The following PUM2 variants were observed in gnomAD, a reference collection of about 807,000 sequenced individuals.
PUM2 encodes the protein pumilio homolog 2.
Under a neutral mutation model 124.5 loss-of-function variants are expected in PUM2, and 57 were observed. The observed-to-expected ratio is 0.46, with a 90% CI of 0.37 to 0.57. PUM2 has a LOEUF of 0.57. Ranked by LOEUF, PUM2 falls within the 20% of genes least tolerant of loss-of-function variation. The probability of loss-of-function intolerance (pLI) is 0.00; values close to 1 mark genes in which losing one functional copy is unlikely to be tolerated. For synonymous variants in PUM2, 460 were observed against 446.1 expected, an observed-to-expected ratio of 1.03 and a Z score of -0.39; for missense variants, 1,065 against 1,290.6, an observed-to-expected ratio of 0.83 and a Z score of 2.68.
intron 2 of PUM2, among the ~76,000 whole-genome samples, chr2:20,321,512 C>T (rs150662565): frequency 9.2e-5 from 14 of 152,150 alleles, no homozygotes; most frequent in Middle Eastern, 3.4e-3. Flanking sequence ...AAACTATTTG[C>T]TCTGACAGTT....
intron 13 of PUM2, among the ~76,000 whole-genome samples, chr2:20,276,071 A>G (rs533640276): frequency 6.6e-6 from 1 of 152,156 alleles, no homozygotes; most frequent in East Asian, 1.9e-4. Flanking sequence ...TTTTTCATGC[A>G]TCTAACTTTA....
chr2:20,345,996 A>C (rs1173490439), intron 1 of PUM2, among the ~76,000 whole-genome samples: 1 of 152,226 alleles, frequency 6.6e-6, no homozygotes, highest in Non-Finnish European at 1.5e-5. Context: ...AAGAACTGGC[A>C]AACAATTTAC....
At chr2:20,297,340 C>T (rs906621770) in intron 8 of PUM2, among the ~76,000 whole-genome samples, 9 of 152,150 alleles carry the variant, frequency 5.9e-5, no homozygotes, top group South Asian at 2.1e-4. Context: ...AAGCCAATTA[C>T]GTATACGAGG....
intron 15 of PUM2, among the ~76,000 whole-genome samples, chr2:20,258,648 A>G (rs1572548438): frequency 7.7e-6 from 1 of 130,610 alleles, no homozygotes; most frequent in African/African-American, 2.8e-5. Flanking sequence ...AAAACCCTTC[A>G]TCTTTTTTTT....
intron 2 of PUM2, among the ~76,000 whole-genome samples, chr2:20,323,598 T>C (rs1682924513): frequency 6.6e-6 from 1 of 152,110 alleles, no homozygotes; most frequent in African/African-American, 2.4e-5. Flanking sequence ...AATATTATAT[T>C]ATTCACTTTA....
chr2:20,342,128 C>CAAAAA (rs776745768), intron 1 of PUM2, among the ~76,000 whole-genome samples: 2 of 94,472 alleles, frequency 2.1e-5, no homozygotes, highest in Non-Finnish European at 2.1e-5. Flanking sequence ...GACTCTGTCT[C>CAAAAA]AAAAAAAAAA....
Position 20,249,321 on chromosome 2 carries a change from A to G in PUM2, c.*2264T>C, listed in dbSNP as rs1662731010. ...GGCTGATACTGAGAACAAAAGTTCG[A>G]TACGGGCCGAAATACTCTGAGGTTG... is the stretch of plus-strand genomic sequence containing the variant. On this transcript the variant is annotated 3_prime_UTR_variant, in exon 21 of 21. Coordinates refer to ENST00000361078, the MANE Select transcript of PUM2 (RefSeq NM_015317.5). The G allele has an allele frequency of 6.6e-6, 1 of 152,492 alleles. No homozygotes were observed. The highest frequency in any genetic ancestry group is 2.4e-5 in the African/African-American group (1 of 41,454). The allele number at this position is 152,492 out of a possible 1,614,324, so 9.4% of individuals were successfully genotyped here. A position where few individuals can be genotyped will look rare whatever the true frequency, so the allele number is the denominator to read the frequency against.
chr2:20,350,818 G>T lies in PUM2; in HGVS notation c.-240C>A, dbSNP rs1356323054. 2 of 975,744 alleles carry T rather than the reference G, an allele frequency of 2.0e-6. No homozygotes were observed. Among genetic ancestry groups the T allele is most frequent in the East Asian group, 2.4e-4 (2 of 8,214 alleles). The allele number at this position is 975,744 out of a possible 1,614,324, so 60.4% of individuals were successfully genotyped here. A position where few individuals can be genotyped will look rare whatever the true frequency, so the allele number is the denominator to read the frequency against. On this transcript the variant is annotated 5_prime_UTR_variant, in exon 1 of 21. Coordinates refer to ENST00000361078, the MANE Select transcript of PUM2 (RefSeq NM_015317.5). ...GAGACACAGAGACTCACAACAACAT[G>T]GCTGCCACCGCCGCCTGCCCTCCCC...
At chr2:20,332,294 T>A (rs1202900430) in intron 1 of PUM2, among the ~76,000 whole-genome samples, 3 of 78,058 alleles carry the variant, frequency 3.8e-5, no homozygotes, top group Non-Finnish European at 1.0e-4. Context: ...TGTGTGTGTG[T>A]GTGTGTGTGT....
At chr2:20,291,292 G>A (rs1263244053) in intron 9 of PUM2, among the ~76,000 whole-genome samples, 1 of 152,178 alleles carries the variant, frequency 6.6e-6, no homozygotes, top group Admixed American at 6.5e-5. Context: ...GGACAACATC[G>A]AAGAAACTTT....
At chr2:20,333,449 G>A (rs550258935) in intron 1 of PUM2, among the ~76,000 whole-genome samples, 6 of 152,138 alleles carry the variant, frequency 3.9e-5, no homozygotes, top group East Asian at 1.9e-4. Context: ...TGAGAGGATC[G>A]CTTGAGCCCA....
chr2:20,318,141 A>G (rs1681445754), intron 3 of PUM2, among the ~76,000 whole-genome samples: 1 of 152,198 alleles, frequency 6.6e-6, no homozygotes, highest in South Asian at 2.1e-4. Flanking sequence ...GAACTAATTT[A>G]CATTTCCACT....
At chr2:20,329,224 T>C (rs1392215103) in intron 1 of PUM2, among the ~76,000 whole-genome samples, 1 of 149,618 alleles carries the variant, frequency 6.7e-6, no homozygotes, top group Non-Finnish European at 1.5e-5. Flanking sequence ...TATGGTCCTA[T>C]TTGGTCATAG....
intron 1 of PUM2, among the ~76,000 whole-genome samples, chr2:20,346,567 G>A (rs1267669655): frequency 1.3e-5 from 2 of 152,128 alleles, no homozygotes; most frequent in East Asian, 1.9e-4. Context: ...TTCAGAAACT[G>A]CCTAAAGTCA....
chr2:20,312,497 GAAGT>G (rs1316227039), intron 3 of PUM2, 74 bp from the exon 4 acceptor site: 12 of 1,331,330 alleles, frequency 9.0e-6, no homozygotes, highest in South Asian at 1.4e-5. Context: ...TTAATATACT[GAAGT>G]AAGAAAAATC....
At chr2:20,317,786 T>C (rs1291078597) in intron 3 of PUM2, among the ~76,000 whole-genome samples, 1 of 152,114 alleles carries the variant, frequency 6.6e-6, no homozygotes, top group Non-Finnish European at 1.5e-5. Context: ...GTGAGAACAT[T>C]CAGTATTTGG....
intron 7 of PUM2, among the ~76,000 whole-genome samples, chr2:20,300,972 G>T (rs909080980): frequency 3.9e-5 from 6 of 152,140 alleles, no homozygotes; most frequent in African/African-American, 1.4e-4. Context: ...TGCATTCAGT[G>T]AAAAACTAAT....
At chr2:20,335,009 G>A (rs1266826988) in intron 1 of PUM2, among the ~76,000 whole-genome samples, 1 of 152,102 alleles carries the variant, frequency 6.6e-6, no homozygotes, top group Non-Finnish European at 1.5e-5. Context: ...GTACAGTGGG[G>A]CAATCATAGC....
chr2:20,342,336 A>G (rs945006285), intron 1 of PUM2, among the ~76,000 whole-genome samples: 1 of 152,158 alleles, frequency 6.6e-6, no homozygotes, highest in South Asian at 2.1e-4. Flanking sequence ...CCCTTGTCCA[A>G]TACATTTCAG....
Sources: gnomAD v4.1 joint callset for allele counts (sites outside exome capture counted in the v4.1 genomes callset) on GRCh38, gnomAD v4.1.1 for gene constraint, MANE v1.5 for transcripts, NCBI Gene and HGNC (gene_info 2026-07-23, HGNC 2026-07-21) for gene names.